The following SYNE1 variants were observed in gnomAD, a reference collection of about 807,000 sequenced individuals.
The protein encoded by SYNE1 is nesprin-1.
Under a neutral mutation model 1,111.0 loss-of-function variants are expected in SYNE1, and 616 were observed. That is an observed-to-expected ratio of 0.55 (90% CI 0.52 to 0.59). SYNE1 has a LOEUF of 0.59. SYNE1 is among the 20% of genes least tolerant of loss of function. The probability of loss-of-function intolerance (pLI) is 0.00; values close to 1 mark genes in which losing one functional copy is unlikely to be tolerated. For missense variants in SYNE1, 10,006 were observed against 10,417.0 expected (o/e 0.96, Z 1.72); for synonymous variants, 3,855 against 3,825.8 (o/e 1.01, Z -0.28).
At chr6:152,362,099 A>AT (rs1339419706) in intron 64 of SYNE1, 71 bp downstream of exon 64, 2 of 1,611,306 alleles carry the variant, frequency 1.2e-6, no homozygotes, top group East Asian at 4.5e-5. Flanking sequence ...ACGTAATCCC[A>AT]TTTTTGTCTG....
chr6:152,405,091 G>A (rs1298071126), intron 45 of SYNE1: 1 of 152,274 alleles, frequency 6.6e-6, no homozygotes, highest in Non-Finnish European at 1.5e-5. Flanking sequence ...AGCTGGCCGA[G>A]CAACTGAGGA....
intron 56 of SYNE1, among the ~76,000 whole-genome samples, chr6:152,377,352 G>C (rs2097299302): frequency 6.6e-6 from 1 of 151,786 alleles, no homozygotes; most frequent in African/African-American, 2.4e-5. Flanking sequence ...GCTCACGCCT[G>C]TAATTCCAGC....
rs903876191 is a variant in SYNE1, at chr6:152,226,046, C to CA, written c.21196-171dup. Among the ~76,000 whole-genome samples, 1,409 of 149,254 alleles carry CA rather than the reference C, an allele frequency of 9.4e-3. 33 individuals carry two copies. Among genetic ancestry groups the CA allele is most frequent in the African/African-American group, 0.033 (1,338 of 40,694 alleles). On this transcript the variant is annotated intron_variant, in intron 115 of 145. Transcript: ENST00000367255. ...AAGTACTTCTTCCTACACTCAAATG[C>CA]AAAAAAAAAGTCATCTTTTTACACA...
chr6:152,500,384 T>C (rs1463684881), intron 10 of SYNE1, among the ~76,000 whole-genome samples: 1 of 152,228 alleles, frequency 6.6e-6, no homozygotes, highest in Non-Finnish European at 1.5e-5. Flanking sequence ...GTAATAACTA[T>C]AGTTAAGTCA....
intron 3 of SYNE1, among the ~76,000 whole-genome samples, chr6:152,618,954 T>C (rs917351514): frequency 9.9e-5 from 15 of 152,168 alleles, no homozygotes; most frequent in African/African-American, 1.7e-4. Flanking sequence ...TGAATACTTA[T>C]GATTAACACT....
At chr6:152,185,865 C>A (rs1398275508) in intron 128 of SYNE1, among the ~76,000 whole-genome samples, 1 of 152,170 alleles carries the variant, frequency 6.6e-6, no homozygotes, top group South Asian at 2.1e-4. Flanking sequence ...AATTCCATGG[C>A]ATTTTTATAC....
intron 40 of SYNE1, 73 bp downstream of exon 40, chr6:152,419,496 A>G (rs771548781): frequency 1.5e-4 from 216 of 1,431,660 alleles, no homozygotes; most frequent in Non-Finnish European, 1.9e-4. Flanking sequence ...AAAATGTTGC[A>G]TCTCTTTTTA....
At chr6:152,567,192 G>T (rs1336625432) in intron 3 of SYNE1, among the ~76,000 whole-genome samples, 5 of 151,934 alleles carry the variant, frequency 3.3e-5, no homozygotes, top group African/African-American at 1.2e-4. Flanking sequence ...AGTCTTCTAG[G>T]TTCATCTATG....
intron 126 of SYNE1, among the ~76,000 whole-genome samples, chr6:152,204,653 A>T (rs941823313): frequency 3.9e-5 from 6 of 152,206 alleles, no homozygotes; most frequent in Non-Finnish European, 7.4e-5. Flanking sequence ...AATAAAATAA[A>T]CTTTAACAAG....
chr6:152,406,404 C>T lies in SYNE1; in HGVS notation c.6723+610G>A, dbSNP rs550504428. 2.6e-5 allele frequency among the ~76,000 whole-genome samples: 4 copies of T among 152,038 alleles called. No homozygotes were observed. In the East Asian group the frequency reaches 7.7e-4, roughly 29 times the overall value. ...GTTTTGAAGTAGAAGGATGCCATAT[C>T]CCCCGAAGAATGGGAACAATTAACT... On this transcript the variant is annotated intron_variant, in intron 45 of 145. Coordinates refer to ENST00000367255, the MANE Select transcript of SYNE1 (RefSeq NM_182961.4).
At chr6:152,350,821 T>C (rs1192160094) in intron 70 of SYNE1, 51 bp from the exon 71 acceptor site, 1 of 1,606,060 alleles carries the variant, frequency 6.2e-7, no homozygotes, top group Non-Finnish European at 8.5e-7. Flanking sequence ...GTGGACAAGA[T>C]GAATACATAC....
chr6:152,401,637 A>G (rs2097821091), intron 46 of SYNE1, among the ~76,000 whole-genome samples: 1 of 152,184 alleles, frequency 6.6e-6, no homozygotes, highest in Non-Finnish European at 1.5e-5. Context: ...GTAGAGCTAG[A>G]CCTACCCAGA....
intron 58 of SYNE1, among the ~76,000 whole-genome samples, chr6:152,374,162 A>C (rs568730667): frequency 7.9e-5 from 12 of 152,318 alleles, no homozygotes; most frequent in African/African-American, 2.6e-4. Flanking sequence ...CTAGTGCCAA[A>C]GTGTAGTTTA....
chr6:152,308,353 C>G, intron 91 of SYNE1, 136 bp downstream of exon 91: 4 of 1,249,708 alleles, frequency 3.2e-6, no homozygotes, highest in Non-Finnish European at 4.5e-6. Flanking sequence ...CTTAGATAGC[C>G]AAAGAGGCCT....
intron 138 of SYNE1, among the ~76,000 whole-genome samples, chr6:152,141,719 C>T (rs999910579): frequency 6.6e-6 from 1 of 151,990 alleles, no homozygotes; most frequent in African/African-American, 2.4e-5. Context: ...TGTGTTACTG[C>T]ACTCCAGCCT....
At chr6:152,401,092 C>T (rs570692870) in intron 47 of SYNE1, 46 bp downstream of exon 47, 59 of 1,579,702 alleles carry the variant, frequency 3.7e-5, no homozygotes, top group Admixed American at 3.3e-4. Flanking sequence ...AACAGAACTA[C>T]AATCACCATT....
chr6:152,253,825 T>G (rs929601177), intron 104 of SYNE1, among the ~76,000 whole-genome samples: 1 of 56,048 alleles, frequency 1.8e-5, no homozygotes, highest in African/African-American at 1.4e-4. Flanking sequence ...TTGGTTTTTT[T>G]TTTTTTTTTT....
intron 32 of SYNE1, among the ~76,000 whole-genome samples, chr6:152,438,971 G>A (rs1362459983): frequency 6.6e-6 from 1 of 152,218 alleles, no homozygotes; most frequent in African/African-American, 2.4e-5. Flanking sequence ...TCACTATTTA[G>A]TGATCCGCAG....
intron 5 of SYNE1, among the ~76,000 whole-genome samples, chr6:152,524,683 A>G (rs2099155266): frequency 6.6e-6 from 1 of 152,150 alleles, no homozygotes; most frequent in Admixed American, 6.6e-5. Context: ...AGGTGATCCC[A>G]GGTGGCAAGA....
Sources: allele counts gnomAD v4.1 joint callset (sites outside exome capture counted in the v4.1 genomes callset), GRCh38; gene constraint gnomAD v4.1.1; transcripts MANE v1.5; gene names NCBI Gene and HGNC (gene_info 2026-07-23, HGNC 2026-07-21).